STX8: variants seen among roughly 807,000 people sequenced by gnomAD.
STX8 encodes syntaxin-8.
In STX8, 23 loss-of-function variants were observed where a neutral mutation model predicts 37.5. That is an observed-to-expected ratio of 0.61 (90% CI 0.44 to 0.87). The LOEUF is 0.87. Ranked by LOEUF, STX8 falls within the 40% of genes least tolerant of loss-of-function variation. The probability of loss-of-function intolerance (pLI) is 0.00; values close to 1 mark genes in which losing one functional copy is unlikely to be tolerated. For synonymous variants in STX8, 115 were observed against 99.1 expected (o/e 1.16, Z -0.95); for missense variants, 313 against 284.7 (o/e 1.10, Z -0.71).
At chr17:9,380,254 GTTTTTTT>G (rs34806016) in intron 6 of STX8, among the ~76,000 whole-genome samples, 1 of 89,442 alleles carries the variant, frequency 1.1e-5, no homozygotes, top group Admixed American at 1.2e-4. Context: ...ATTTCTGTGT[GTTTTTTT>G]TTTTTTTTTT....
At chr17:9,265,584 C>T (rs919762041) in intron 7 of STX8, among the ~76,000 whole-genome samples, 2 of 152,248 alleles carry the variant, frequency 1.3e-5, no homozygotes, top group East Asian at 1.9e-4. Context: ...GCTCAATACA[C>T]GTTTACTCAA....
intron 6 of STX8, among the ~76,000 whole-genome samples, chr17:9,471,440 C>T (rs529780419): frequency 2.0e-5 from 3 of 151,988 alleles, no homozygotes; most frequent in African/African-American, 4.8e-5. Flanking sequence ...CATGAGCCAC[C>T]GCGCCCGGCC....
intron 1 of STX8, among the ~76,000 whole-genome samples, chr17:9,573,789 A>G (rs1445387153): frequency 6.6e-6 from 1 of 152,192 alleles, no homozygotes; most frequent in African/African-American, 2.4e-5. Context: ...AATAACAAAA[A>G]AAGTATAAAT....
intron 7 of STX8, among the ~76,000 whole-genome samples, chr17:9,321,546 G>C (rs1909578314): frequency 6.6e-6 from 1 of 151,826 alleles, no homozygotes. Flanking sequence ...TTGAGATAGA[G>C]TCTCCCCCTG....
intron 6 of STX8, among the ~76,000 whole-genome samples, chr17:9,466,283 T>C (rs1014119598): frequency 7.2e-5 from 11 of 152,232 alleles, no homozygotes; most frequent in African/African-American, 2.7e-4. Context: ...TTTAGTATTC[T>C]TTCCTTCTTT....
chr17:9,455,934 G>T (rs555441195), intron 6 of STX8, among the ~76,000 whole-genome samples: 2 of 152,056 alleles, frequency 1.3e-5, no homozygotes, highest in African/African-American at 2.4e-5. Context: ...ATATGCAAAG[G>T]CATATCAACA....
Position 9,464,127 on chromosome 17 carries a change from T to C in STX8, c.541+27702A>G, listed in dbSNP as rs1435151069. Among the ~76,000 whole-genome samples the C allele has an allele frequency of 3.3e-5, 5 of 152,284 alleles. No individual in the cohort carries two copies. The South Asian group carries it at 6.2e-4, about 19-fold the overall frequency. ...ATTTATCATGAGATTGAAATATTCT[T>C]CTTTGAGACAATTACCATATATGCT... is the stretch of plus-strand genomic sequence containing the variant. On this transcript the variant is annotated intron_variant, in intron 6 of 7. Coordinates refer to ENST00000306357, the MANE Select transcript of STX8 (RefSeq NM_004853.3).
intron 6 of STX8, among the ~76,000 whole-genome samples, chr17:9,424,273 G>A (rs774894009): frequency 2.0e-5 from 3 of 152,082 alleles, no homozygotes; most frequent in African/African-American, 7.2e-5. Flanking sequence ...GCTGGGAACT[G>A]ACGCATTCCT....
chr17:9,396,546 A>G (rs1006476217), intron 6 of STX8, among the ~76,000 whole-genome samples: 1 of 152,116 alleles, frequency 6.6e-6, no homozygotes, highest in Non-Finnish European at 1.5e-5. Flanking sequence ...CCCCGTCTCT[A>G]TTAAAAATAC....
intron 7 of STX8, among the ~76,000 whole-genome samples, chr17:9,282,284 C>G (rs1216833369): frequency 6.6e-6 from 1 of 152,126 alleles, no homozygotes; most frequent in African/African-American, 2.4e-5. Context: ...AGGCACCTGC[C>G]ATCATGCCCA....
intron 6 of STX8, among the ~76,000 whole-genome samples, chr17:9,406,888 T>C (rs1912820837): frequency 6.6e-6 from 1 of 152,164 alleles, no homozygotes; most frequent in African/African-American, 2.4e-5. Flanking sequence ...CACTTTACCA[T>C]AAACCACTAA....
At chr17:9,417,800 G>A (rs192939104) in intron 6 of STX8, among the ~76,000 whole-genome samples, 68 of 152,220 alleles carry the variant, frequency 4.5e-4, no homozygotes, top group African/African-American at 1.5e-3. Flanking sequence ...GAACCTCCAC[G>A]AACACCCCTA....
At chr17:9,404,229 T>A (rs72816172) in intron 6 of STX8, among the ~76,000 whole-genome samples, 1 of 151,882 alleles carries the variant, frequency 6.6e-6, no homozygotes, top group Non-Finnish European at 1.5e-5. Flanking sequence ...GGGTTGGTCT[T>A]GCTGTCTCAG....
At chr17:9,347,778 A>G (rs993296622) in intron 7 of STX8, among the ~76,000 whole-genome samples, 1 of 152,186 alleles carries the variant, frequency 6.6e-6, no homozygotes, top group African/African-American at 2.4e-5. Flanking sequence ...ATACCCATTA[A>G]GCAGTCTCTC....
intron 7 of STX8, among the ~76,000 whole-genome samples, chr17:9,354,894 C>G (rs973326896): frequency 1.3e-5 from 2 of 152,156 alleles, no homozygotes; most frequent in African/African-American, 2.4e-5. Context: ...TTACTTCTCT[C>G]CCTTGTTTCT....
At chr17:9,348,944 G>A (rs1047630559) in intron 7 of STX8, among the ~76,000 whole-genome samples, 2 of 152,292 alleles carry the variant, frequency 1.3e-5, no homozygotes, top group East Asian at 3.9e-4. Context: ...ACCAGGGACA[G>A]GACTGACTCT....
chr17:9,559,760 A>ATATATATATTTT, intron 2 of STX8, among the ~76,000 whole-genome samples: 517 of 24,486 alleles, frequency 0.021, 45 homozygotes, highest in East Asian at 0.038. Context: ...ATATATATAT[A>ATATATATATTTT]TTTTTTTTTT....
intron 6 of STX8, among the ~76,000 whole-genome samples, chr17:9,387,506 G>T (rs1421650454): frequency 6.6e-6 from 1 of 152,216 alleles, no homozygotes; most frequent in Non-Finnish European, 1.5e-5. Context: ...TGTTAGCCAA[G>T]ATGGTCTCGA....
At chr17:9,567,079 G>A (rs1907490157) in intron 2 of STX8, among the ~76,000 whole-genome samples, 1 of 152,158 alleles carries the variant, frequency 6.6e-6, no homozygotes, top group Admixed American at 6.6e-5. Flanking sequence ...TCACTCTGTT[G>A]ATATAAGAGA....
Sources: gnomAD v4.1 joint callset for allele counts (sites outside exome capture counted in the v4.1 genomes callset) on GRCh38, gnomAD v4.1.1 for gene constraint, MANE v1.5 for transcripts, NCBI Gene and HGNC (gene_info 2026-07-23, HGNC 2026-07-21) for gene names.